Variants in UTRN observed in about 807,000 individuals in gnomAD.
UTRN encodes the protein utrophin.
A neutral mutation model predicts 463.9 loss-of-function variants in UTRN; 283 were observed. The ratio of observed to expected loss-of-function variants is 0.61; its 90% CI spans 0.55 to 0.67. The LOEUF is 0.67. Ranked by LOEUF, UTRN falls within the 30% of genes least tolerant of loss-of-function variation. The pLI is 0.00. For missense variants in UTRN, 3,922 were observed against 4,084.3 expected (o/e 0.96, Z 1.08); for synonymous variants, 1,442 against 1,431.5 (o/e 1.01, Z -0.17).
chr6:144,660,416 C>T (rs942895444), intron 51 of UTRN: 2 of 364,546 alleles, frequency 5.5e-6, no homozygotes, highest in Non-Finnish European at 1.1e-5. Flanking sequence ...TTGCTGTCTC[C>T]TTTAAAGATG....
intron 51 of UTRN, among the ~76,000 whole-genome samples, chr6:144,612,743 ATATTGTG>A: frequency 6.6e-6 from 1 of 152,142 alleles, no homozygotes; most frequent in Admixed American, 6.6e-5. Flanking sequence ...AAGAACTCAT[ATATTGTG>A]AGTGGGAATG....
chr6:144,767,730 CT>C (rs756677515), intron 58 of UTRN, among the ~76,000 whole-genome samples: 2 of 152,266 alleles, frequency 1.3e-5, no homozygotes. Flanking sequence ...GTATATTTTA[CT>C]TTGCACAGCA....
At chr6:144,362,092 A>G (rs888764309) in intron 2 of UTRN, among the ~76,000 whole-genome samples, 2 of 152,258 alleles carry the variant, frequency 1.3e-5, no homozygotes, top group Non-Finnish European at 2.9e-5. Context: ...GTTATTAAAC[A>G]TATCAACTCA....
At chr6:144,616,686 A>G (rs1355342400) in intron 51 of UTRN, among the ~76,000 whole-genome samples, 1 of 152,110 alleles carries the variant, frequency 6.6e-6, no homozygotes, top group Non-Finnish European at 1.5e-5. Context: ...TAGCCTCTAA[A>G]AATACCCAGA....
intron 64 of UTRN, chr6:144,799,562 C>T: frequency 2.2e-6 from 1 of 463,964 alleles, no homozygotes; most frequent in Non-Finnish European, 4.5e-6. Flanking sequence ...GAGGGAATAG[C>T]TGGAATGTGG....
intron 53 of UTRN, among the ~76,000 whole-genome samples, chr6:144,724,009 CAAAA>C (rs59598919): frequency 1.4e-4 from 8 of 58,774 alleles, no homozygotes; most frequent in African/African-American, 2.8e-4. Context: ...GACTCCATCT[CAAAA>C]AAAAAAAAAA....
intron 54 of UTRN, among the ~76,000 whole-genome samples, chr6:144,743,221 G>T (rs1210688498): frequency 6.6e-6 from 1 of 151,982 alleles, no homozygotes; most frequent in African/African-American, 2.4e-5. Flanking sequence ...CTTGACATTG[G>T]GCTTTAAAAC....
intron 2 of UTRN, among the ~76,000 whole-genome samples, chr6:144,383,407 G>T (rs1218110519): frequency 1.3e-5 from 2 of 152,146 alleles, no homozygotes; most frequent in Non-Finnish European, 2.9e-5. Context: ...AACTAAGAAA[G>T]AACTCATTTT....
At position 144,369,531 on chromosome 6, in the gene UTRN, G is replaced by A. The variant is rs371720753; in HGVS notation, c.80-33592G>A. Among the ~76,000 whole-genome samples, 13 of 152,316 alleles carry A rather than the reference G, an allele frequency of 8.5e-5. 2 individuals carry two copies. Among genetic ancestry groups the A allele is most frequent in the African/African-American group, 2.4e-4 (10 of 41,564 alleles). ...ACTGGGAGGTTGAGGCAGGAGAATCGCTTGAACCTAGGAGGTTGAGGTTGC... is the reference window on the plus strand; with the variant it reads ...ACTGGGAGGTTGAGGCAGGAGAATCACTTGAACCTAGGAGGTTGAGGTTGC... On this transcript the variant is annotated intron_variant, in intron 2 of 74. Transcript: ENST00000367545.
In UTRN at chr6:144,400,382, G is replaced by T. The variant is rs113204114; in HGVS notation, c.80-2741G>T. On this transcript the variant is annotated intron_variant, in intron 2 of 74. Transcript: ENST00000367545. Reference sequence around the variant, plus strand: ...GAAGTTCTGTATAAATTTCTAGGCAGACAAAATGGCTGATCAGAATAGCAT... The same window carrying T: ...GAAGTTCTGTATAAATTTCTAGGCATACAAAATGGCTGATCAGAATAGCAT... Among the ~76,000 whole-genome samples the T allele has an allele frequency of 9.7e-3, 1,483 of 152,254 alleles. 20 individuals are homozygous for T. The highest frequency in any genetic ancestry group is 0.034 in the African/African-American group (1,406 of 41,544).
intron 51 of UTRN, among the ~76,000 whole-genome samples, chr6:144,609,150 C>A (rs1174965808): frequency 6.6e-6 from 1 of 151,976 alleles, no homozygotes; most frequent in African/African-American, 2.4e-5. Flanking sequence ...TACAGAGTAG[C>A]CAAATGGATT....
intron 37 of UTRN, among the ~76,000 whole-genome samples, chr6:144,515,077 T>G (rs1203862684): frequency 2.6e-5 from 4 of 151,636 alleles, no homozygotes; most frequent in Non-Finnish European, 5.9e-5. Context: ...AATTTTTGTG[T>G]TTTTTTTAGG....
At chr6:144,843,093 T>G (rs1326484056) in intron 73 of UTRN, among the ~76,000 whole-genome samples, 1 of 152,216 alleles carries the variant, frequency 6.6e-6, no homozygotes, top group African/African-American at 2.4e-5. Context: ...TGAGCCAGAA[T>G]TAAATTCTTA....
intron 46 of UTRN, among the ~76,000 whole-genome samples, chr6:144,544,703 A>G (rs1798248673): frequency 9.0e-6 from 1 of 110,796 alleles, no homozygotes; most frequent in Non-Finnish European, 2.3e-5. Flanking sequence ...TTTTCAAAAG[A>G]AAAAAAAAAC....
intron 51 of UTRN, among the ~76,000 whole-genome samples, chr6:144,619,915 G>A (rs536667551): frequency 3.9e-5 from 6 of 152,314 alleles, no homozygotes; most frequent in Admixed American, 1.3e-4. Flanking sequence ...CCCAGGAAGG[G>A]CATTCCTTCT....
rs1402815648 is a variant in UTRN, at chr6:144,635,514, C to CTTTTTTTTTTTTTTTTTTTTTTTTTTTT, written c.7480-42877_7480-42876insTTTTTTTTTTTTTTTTTTTTTTTTTTTT. Among the ~76,000 whole-genome samples, 3 of 80,010 alleles carry CTTTTTTTTTTTTTTTTTTTTTTTTTTTT rather than the reference C, an allele frequency of 3.7e-5. 1 individual carries two copies. Among genetic ancestry groups the CTTTTTTTTTTTTTTTTTTTTTTTTTTTT allele is most frequent in the Admixed American group, 1.9e-4 (1 of 5,166 alleles). 52.5% of individuals were successfully genotyped at this position (80,010 alleles called of 152,430 possible). On this transcript the variant is annotated intron_variant, in intron 51 of 74. Coordinates refer to ENST00000367545, the MANE Select transcript of UTRN (RefSeq NM_007124.3). ...TACTTAGCAGCTAGCCTTTTTTTTT[C>CTTTTTTTTTTTTTTTTTTTTTTTTTTTT]TTTTTTTTTTTTTTTCTTTTCTTTT...
intron 2 of UTRN, among the ~76,000 whole-genome samples, chr6:144,383,707 C>A (rs1160541732): frequency 6.6e-6 from 1 of 152,152 alleles, no homozygotes; most frequent in African/African-American, 2.4e-5. Flanking sequence ...TGGGATTAAT[C>A]TTGTAAGTGA....
intron 2 of UTRN, among the ~76,000 whole-genome samples, chr6:144,374,728 C>T (rs1462582670): frequency 9.2e-5 from 14 of 151,666 alleles, no homozygotes; most frequent in Admixed American, 8.5e-4. Flanking sequence ...GGGATCCGCC[C>T]GCCCCTGCCT....
chr6:144,742,262 C>G (rs1035145341), intron 54 of UTRN, among the ~76,000 whole-genome samples: 3 of 152,128 alleles, frequency 2.0e-5, no homozygotes, highest in African/African-American at 7.2e-5. Flanking sequence ...ATTAGAAGCA[C>G]TAATCAGCCG....
Sources: gnomAD v4.1 joint callset for allele counts (sites outside exome capture counted in the v4.1 genomes callset) on GRCh38, gnomAD v4.1.1 for gene constraint, MANE v1.5 for transcripts, NCBI Gene and HGNC (gene_info 2026-07-23, HGNC 2026-07-21) for gene names.